Variants in AGBL1 observed in about 807,000 individuals in gnomAD.
AGBL1 encodes the protein cytosolic carboxypeptidase 4.
AGBL1 carries 130 observed loss-of-function variants against 118.9 expected under a neutral mutation model. The observed-to-expected ratio is 1.09, with a 90% confidence interval of 0.95 to 1.26. The LOEUF (loss-of-function observed/expected upper bound fraction) is 1.26, where lower values mean the gene tolerates loss of function less well. Ranked by LOEUF, AGBL1 falls within the 50% of genes most tolerant of loss-of-function variation. The pLI is 0.00. For missense variants in AGBL1, 1,584 were observed against 1,298.1 expected, an observed-to-expected ratio of 1.22 and a Z score of -3.38; for synonymous variants, 555 against 478.9, an observed-to-expected ratio of 1.16 and a Z score of -2.08.
chr15:86,484,927 C>T (rs770791029), intron 18 of AGBL1, among the ~76,000 whole-genome samples: 1 of 152,148 alleles, frequency 6.6e-6, no homozygotes, highest in Non-Finnish European at 1.5e-5. Flanking sequence ...TTTCTACATG[C>T]CCCACTTTAC....
intron 22 of AGBL1, among the ~76,000 whole-genome samples, chr15:86,709,589 G>A (rs1293027199): frequency 6.6e-6 from 1 of 152,080 alleles, no homozygotes; most frequent in African/African-American, 2.4e-5. Context: ...AATACATAAT[G>A]ATATCGCTGC....
intron 24 of AGBL1, among the ~76,000 whole-genome samples, chr15:87,012,600 T>C (rs1010076716): frequency 1.8e-4 from 28 of 152,256 alleles, no homozygotes; most frequent in Non-Finnish European, 3.5e-4. Context: ...ACTGAGTGTG[T>C]TCTGGGCTGT....
At chr15:86,837,969 C>T (rs1348015550) in intron 22 of AGBL1, among the ~76,000 whole-genome samples, 3 of 152,162 alleles carry the variant, frequency 2.0e-5, no homozygotes, top group African/African-American at 7.2e-5. Flanking sequence ...GGAACACTGC[C>T]ATCTTCATGA....
intron 21 of AGBL1, among the ~76,000 whole-genome samples, chr15:86,638,465 G>T (rs1415103585): frequency 6.6e-6 from 1 of 152,140 alleles, no homozygotes; most frequent in Non-Finnish European, 1.5e-5. Flanking sequence ...ACTCTATCTT[G>T]TGGGGAAGCA....
intron 21 of AGBL1, among the ~76,000 whole-genome samples, chr15:86,568,623 G>A (rs920060829): frequency 6.6e-6 from 1 of 152,196 alleles, no homozygotes; most frequent in Non-Finnish European, 1.5e-5. Context: ...AGGATGCTCT[G>A]TCTCACAAGT....
At chr15:86,589,092 A>G (rs1241968906) in intron 21 of AGBL1, among the ~76,000 whole-genome samples, 1 of 152,106 alleles carries the variant, frequency 6.6e-6, no homozygotes, top group Non-Finnish European at 1.5e-5. Context: ...TGAATAACTT[A>G]CGATGGTTGA....
At chr15:86,727,438 C>A (rs1287185323) in intron 22 of AGBL1, among the ~76,000 whole-genome samples, 4 of 151,996 alleles carry the variant, frequency 2.6e-5, no homozygotes, top group African/African-American at 4.8e-5. Context: ...TAGTTTGATT[C>A]CCATTCTATG....
chr15:86,455,686 A>C (rs2082250648), intron 18 of AGBL1, among the ~76,000 whole-genome samples: 1 of 152,146 alleles, frequency 6.6e-6, no homozygotes, highest in Non-Finnish European at 1.5e-5. Flanking sequence ...CACTGTTCTA[A>C]GTGCTGTGTA....
intron 21 of AGBL1, among the ~76,000 whole-genome samples, chr15:86,637,786 A>G (rs2085121556): frequency 1.3e-5 from 2 of 152,194 alleles, no homozygotes; most frequent in African/African-American, 4.8e-5. Flanking sequence ...GGAACACACC[A>G]GACTGTTTGC....
chr15:86,215,600 G>A (rs2078175323), intron 5 of AGBL1, among the ~76,000 whole-genome samples: 1 of 152,150 alleles, frequency 6.6e-6, no homozygotes, highest in African/African-American at 2.4e-5. Context: ...GATGCCCAGT[G>A]AAGTTCCAGA....
At chr15:86,458,228 A>G (rs57743516) in intron 18 of AGBL1, among the ~76,000 whole-genome samples, 34,887 of 152,022 alleles carry the variant, frequency 0.23, 5,437 homozygotes, top group African/African-American at 0.44. Context: ...ATTTTAAATA[A>G]AAATCAAAAT....
chr15:86,508,687 T>A (rs2083014193), intron 18 of AGBL1, among the ~76,000 whole-genome samples: 2 of 152,126 alleles, frequency 1.3e-5, no homozygotes, highest in Admixed American at 1.3e-4. Context: ...AGATTATATA[T>A]TACAAGTAGT....
chr15:86,737,886 A>T (rs891670085), intron 22 of AGBL1, among the ~76,000 whole-genome samples: 3 of 151,850 alleles, frequency 2.0e-5, no homozygotes, highest in Non-Finnish European at 4.4e-5. Flanking sequence ...AGATGCAAAA[A>T]TCCCCAACAA....
chr15:86,448,976 T>C (rs2082160350), intron 18 of AGBL1, among the ~76,000 whole-genome samples: 1 of 152,090 alleles, frequency 6.6e-6, no homozygotes, highest in East Asian at 1.9e-4. Context: ...GAAATAAGGA[T>C]GTGGTGTACT....
intron 20 of AGBL1, among the ~76,000 whole-genome samples, chr15:86,548,209 T>C (rs1391632860): frequency 1.3e-5 from 2 of 152,196 alleles, no homozygotes; most frequent in Non-Finnish European, 2.9e-5. Flanking sequence ...GCTTAGAGGC[T>C]GATTCCTTCA....
At position 86,511,584 on chromosome 15, in the gene AGBL1, C is replaced by G. The variant is rs192835135; in HGVS notation, c.2556-11226C>G. 3.7e-4 allele frequency among the ~76,000 whole-genome samples: 57 copies of G among 152,144 alleles called. 1 individual carries two copies. The highest frequency in any genetic ancestry group is 1.3e-3 in the African/African-American group (56 of 41,546). ...GGCAGGTTACTTAACATCTGTAAAT[C>G]TCAACTTTCTCATGTGCAAAATGGA... is the stretch of plus-strand genomic sequence containing the variant. On this transcript the variant is annotated intron_variant, in intron 18 of 22. Coordinates refer to ENST00000614907, the MANE Select transcript of AGBL1 (RefSeq NM_001386094.1).
intron 22 of AGBL1, among the ~76,000 whole-genome samples, chr15:86,725,154 G>A (rs936087273): frequency 6.6e-6 from 1 of 152,154 alleles, no homozygotes; most frequent in Non-Finnish European, 1.5e-5. Context: ...ATAAATAATA[G>A]CTATTATTAC....
At position 86,915,566 on chromosome 15, in the gene AGBL1, G is replaced by GTCA. The variant is rs1277872874; in HGVS notation, c.*8275_*8277dup. 1.3e-5 allele frequency: 2 copies of GTCA among 152,100 alleles called. No individual in the cohort carries two copies. Among genetic ancestry groups the GTCA allele is most frequent in the African/African-American group, 4.8e-5 (2 of 41,396 alleles). The allele number at this position is 152,100 out of a possible 1,614,324, so 9.4% of individuals were successfully genotyped here. ...CATGATCTGATTCTGAGTTCCTACTGTCATCTTGGAGAAACCCAGTCACAG... is the reference window on the plus strand; with the variant it reads ...CATGATCTGATTCTGAGTTCCTACTGTCATCATCTTGGAGAAACCCAGTCACAG... On this transcript the variant is annotated 3_prime_UTR_variant, in exon 23 of 23. Transcript: ENST00000614907.
chr15:86,809,896 C>T (rs537211361), intron 22 of AGBL1, among the ~76,000 whole-genome samples: 59 of 152,122 alleles, frequency 3.9e-4, no homozygotes, highest in African/African-American at 1.3e-3. Context: ...TTTTATATGT[C>T]GTTTGGCCAA....
Sources: gnomAD v4.1 joint callset for allele counts (sites outside exome capture counted in the v4.1 genomes callset) on GRCh38, gnomAD v4.1.1 for gene constraint, MANE v1.5 for transcripts, NCBI Gene and HGNC (gene_info 2026-07-23, HGNC 2026-07-21) for gene names.